CSGALNACT1: variants seen among roughly 807,000 people sequenced by gnomAD.
CSGALNACT1 encodes the protein chondroitin sulfate N-acetylgalactosaminyltransferase 1, also known as beta4GalNAcT-1.
In CSGALNACT1, 52 loss-of-function variants were observed where a neutral mutation model predicts 51.0. The ratio of observed to expected loss-of-function variants is 1.02; its 90% CI spans 0.82 to 1.29. The LOEUF (loss-of-function observed/expected upper bound fraction) is 1.29, where lower values mean the gene tolerates loss of function less well. Ranked by LOEUF, CSGALNACT1 falls within the 50% of genes most tolerant of loss-of-function variation. CSGALNACT1 has a pLI of 0.00. For missense variants in CSGALNACT1, 935 were observed against 679.2 expected (o/e 1.38, Z -4.19); for synonymous variants, 341 against 254.4 (o/e 1.34, Z -3.24).
Position 19,505,966 on chromosome 8 carries a change from C to G in CSGALNACT1, c.-132G>C, listed in dbSNP as rs1405729585. ...CGGAGCTGCTTGCATCCATTTCCTT[C>G]TAGAACGAGTTCTGCCTCTTGGAGT... On this transcript the variant is annotated 5_prime_UTR_variant, in exon 4 of 10. The change abolishes the stop of an existing upstream ORF in the 5' untranslated region. Transcript: ENST00000454498. The G allele has an allele frequency of 9.9e-7, 1 of 1,008,666 alleles. No individual in the cohort carries two copies. Among genetic ancestry groups the G allele is most frequent in the African/African-American group, 1.6e-5 (1 of 62,822 alleles). 62.5% of individuals were successfully genotyped at this position (1,008,666 alleles called of 1,614,324 possible).
At chr8:19,625,363 C>T (rs985973703) in intron 1 of CSGALNACT1, among the ~76,000 whole-genome samples, 1 of 152,184 alleles carries the variant, frequency 6.6e-6, no homozygotes, top group African/African-American at 2.4e-5. Context: ...AAACGTAAAA[C>T]AAATGTCATT....
At chr8:19,537,498 A>G (rs2084033749) in intron 3 of CSGALNACT1, among the ~76,000 whole-genome samples, 1 of 152,156 alleles carries the variant, frequency 6.6e-6, no homozygotes, top group South Asian at 2.1e-4. Context: ...CAATATGTAC[A>G]TTTGACCACC....
intron 3 of CSGALNACT1, among the ~76,000 whole-genome samples, chr8:19,519,310 G>C (rs2080175500): frequency 6.6e-6 from 1 of 152,150 alleles, no homozygotes; most frequent in South Asian, 2.1e-4. Context: ...TCCTAGATTA[G>C]GAAACCAGGA....
chr8:19,633,623 G>A (rs533911131), intron 1 of CSGALNACT1, among the ~76,000 whole-genome samples: 1 of 152,300 alleles, frequency 6.6e-6, no homozygotes, highest in Admixed American at 6.5e-5. Context: ...GCTGGGAGGA[G>A]GCAAGGGAGA....
intron 6 of CSGALNACT1, among the ~76,000 whole-genome samples, chr8:19,430,479 C>T (rs1450452959): frequency 1.3e-5 from 2 of 152,190 alleles, no homozygotes; most frequent in Non-Finnish European, 2.9e-5. Context: ...TTCTTTCCCC[C>T]ATATGATGAT....
intron 1 of CSGALNACT1, among the ~76,000 whole-genome samples, chr8:19,661,915 C>G (rs1245462696): frequency 6.6e-6 from 1 of 152,134 alleles, no homozygotes; most frequent in African/African-American, 2.4e-5. Context: ...CAAGACTTCT[C>G]CTTCATCCTA....
At chr8:19,602,136 A>C in exon 1 of CSGALNACT1, 1 of 181,836 alleles carries the variant, frequency 5.5e-6, no homozygotes, top group Non-Finnish European at 1.2e-5. Flanking sequence ...TCATGTGAAA[A>C]AGAGCAAATC....
At chr8:19,487,620 GC>G in intron 4 of CSGALNACT1, among the ~76,000 whole-genome samples, 1 of 152,246 alleles carries the variant, frequency 6.6e-6, no homozygotes, top group South Asian at 2.1e-4. Context: ...AACTCCAACA[GC>G]CGAAAAGCCA....
chr8:19,532,574 T>C, intron 3 of CSGALNACT1, among the ~76,000 whole-genome samples: 1 of 152,206 alleles, frequency 6.6e-6, no homozygotes, highest in East Asian at 1.9e-4. Flanking sequence ...TCAATCATGA[T>C]TTTCAAAAAT....
chr8:19,459,245 T>A (rs1467057878), intron 4 of CSGALNACT1, among the ~76,000 whole-genome samples: 1 of 151,754 alleles, frequency 6.6e-6, no homozygotes, highest in Non-Finnish European at 1.5e-5. Flanking sequence ...TAGTAGAGCG[T>A]CATGTTGTGC....
intron 3 of CSGALNACT1, among the ~76,000 whole-genome samples, chr8:19,520,367 AAAGT>A (rs1284809117): frequency 2.0e-5 from 3 of 152,222 alleles, no homozygotes; most frequent in Non-Finnish European, 4.4e-5. Flanking sequence ...ATTTTTGGTA[AAAGT>A]AAGACCTACA....
chr8:19,646,276 C>T (rs984184620), intron 1 of CSGALNACT1, among the ~76,000 whole-genome samples: 4 of 152,070 alleles, frequency 2.6e-5, no homozygotes, highest in Non-Finnish European at 5.9e-5. Context: ...ATGACCTTGC[C>T]GAGAGAGAAA....
At chr8:19,412,214 G>T (rs753316737) in intron 8 of CSGALNACT1, among the ~76,000 whole-genome samples, 4 of 152,136 alleles carry the variant, frequency 2.6e-5, no homozygotes, top group Admixed American at 6.5e-5. Context: ...CTCCCCACCT[G>T]AGATCCCAGC....
intron 1 of CSGALNACT1, among the ~76,000 whole-genome samples, 194 bp downstream of exon 1, chr8:19,756,992 C>T (rs1399296123): frequency 1.5e-5 from 1 of 64,700 alleles, no homozygotes; most frequent in African/African-American, 5.8e-5. Flanking sequence ...CCTGCCCGTG[C>T]CCTGGGCCCC....
chr8:19,572,622 T>C (rs2043270111), intron 3 of CSGALNACT1, among the ~76,000 whole-genome samples: 1 of 152,204 alleles, frequency 6.6e-6, no homozygotes, highest in South Asian at 2.1e-4. Context: ...TTCAAACTAA[T>C]TCTATCTACC....
At chr8:19,499,666 G>C (rs2153983061) in intron 4 of CSGALNACT1, among the ~76,000 whole-genome samples, 1 of 152,318 alleles carries the variant, frequency 6.6e-6, no homozygotes, top group Non-Finnish European at 1.5e-5. Context: ...TATCAGGAAT[G>C]TACTGTGAGA....
chr8:19,569,822 C>A (rs917184129), intron 3 of CSGALNACT1, among the ~76,000 whole-genome samples: 1 of 152,202 alleles, frequency 6.6e-6, no homozygotes, highest in Non-Finnish European at 1.5e-5. Flanking sequence ...TATCCATCAA[C>A]AGTAGAATGG....
chr8:19,590,640 C>CTT (rs34859554), intron 3 of CSGALNACT1, among the ~76,000 whole-genome samples: 833 of 69,020 alleles, frequency 0.012, 141 homozygotes, highest in African/African-American at 0.039. Flanking sequence ...GACCTAACTA[C>CTT]TTTTTTTTTT....
At chr8:19,447,700 G>A (rs747322192) in intron 5 of CSGALNACT1, among the ~76,000 whole-genome samples, 8 of 152,132 alleles carry the variant, frequency 5.3e-5, no homozygotes, top group Admixed American at 4.6e-4. Context: ...CTTGGTTCTC[G>A]ACCACTGTCT....
Sources: gnomAD v4.1 joint callset for allele counts (sites outside exome capture counted in the v4.1 genomes callset) on GRCh38, gnomAD v4.1.1 for gene constraint, MANE v1.5 for transcripts, NCBI Gene and HGNC (gene_info 2026-07-23, HGNC 2026-07-21) for gene names.